The following TXNRD3 variants were observed in gnomAD, a reference collection of about 807,000 sequenced individuals.
The protein encoded by TXNRD3 is TXNRD3 neighbor gene protein.
Under a neutral mutation model 78.2 loss-of-function variants are expected in TXNRD3, and 68 were observed. The observed-to-expected ratio is 0.87, with a 90% confidence interval of 0.72 to 1.06. The LOEUF (loss-of-function observed/expected upper bound fraction) is 1.06, where lower values mean the gene tolerates loss of function less well. Among genes scored for constraint, TXNRD3 ranks in the 50% least tolerant of loss-of-function variants. TXNRD3 has a pLI of 0.00. For missense variants in TXNRD3, 751 were observed against 809.5 expected (o/e 0.93, Z 0.88); for synonymous variants, 296 against 300.1 (o/e 0.99, Z 0.14).
In TXNRD3 at chr3:126,607,287, G is replaced by C. The variant is rs958050102; in HGVS notation, c.*618C>G. On this transcript the variant is annotated 3_prime_UTR_variant, in exon 16 of 16. Coordinates refer to ENST00000524230, the MANE Select transcript of TXNRD3 (RefSeq NM_052883.3). Reference sequence around the variant, plus strand: ...CAAGGTTATCACCACCAAGTAGTGAGTGTGAGGGTGAAGCATGAGTCAGCG... The same window carrying C: ...CAAGGTTATCACCACCAAGTAGTGACTGTGAGGGTGAAGCATGAGTCAGCG... The C allele has an allele frequency of 2.6e-5, 4 of 152,370 alleles. No individual in the cohort carries two copies. Among genetic ancestry groups the C allele is most frequent in the Admixed American group, 2.0e-4 (3 of 15,282 alleles). 9.4% of individuals were successfully genotyped at this position (152,370 alleles called of 1,614,324 possible). A position where few individuals can be genotyped will look rare whatever the true frequency, so the allele number is the denominator to read the frequency against.
rs963474910 is a variant in TXNRD3 at position 126,621,735 on chromosome 3, A to G, written c.1524+7T>C. The G allele has an allele frequency of 6.7e-7, 1 of 1,496,476 alleles. No individual in the cohort carries two copies. Among genetic ancestry groups the G allele is most frequent in the African/African-American group, 1.4e-5 (1 of 70,894 alleles). 92.7% of individuals were successfully genotyped at this position (1,496,476 alleles called of 1,614,324 possible). A position where few individuals can be genotyped will look rare whatever the true frequency, so the allele number is the denominator to read the frequency against. On this transcript the variant is annotated splice_region_variant and intron_variant, in intron 12 of 15. Coordinates refer to ENST00000524230, the MANE Select transcript of TXNRD3 (RefSeq NM_052883.3). ...GGACATTATCTCAAAAACAGTAAGA[A>G]ACTTACCTTTTCTAAAGAGGCCCCA...
chr3:126,607,697 G>A lies in TXNRD3; in HGVS notation c.*208C>T. On this transcript the variant is annotated 3_prime_UTR_variant, in exon 16 of 16. Transcript: ENST00000524230. The stretch of plus-strand genomic sequence containing the variant: ...AAGGCGTCAAGGAAGCAGTCCCACT[G>A]CTTCTCGCTGTCAGCAAGACCACAA... 2 of 366,564 alleles carry A rather than the reference G, an allele frequency of 5.5e-6. No individual in the cohort carries two copies. Among genetic ancestry groups the A allele is most frequent in the African/African-American group, 2.1e-5 (1 of 47,898 alleles). The allele number at this position is 366,564 out of a possible 1,614,324, so 22.7% of individuals were successfully genotyped here.
chr3:126,631,831 C>T lies in TXNRD3; in HGVS notation c.904G>A (p.Val302Ile). ...CGTGGCCTTTCACCCGTTGCTATGACAAACTGTGCAGCAGTATAATAAGTC... is the reference window on the plus strand; with the variant it reads ...CGTGGCCTTTCACCCGTTGCTATGATAAACTGTGCAGCAGTATAATAAGTC... Residue 302 changes from valine (V) to isoleucine (I), a missense_variant, in exon 8 of 16, where the codon GTC (valine) becomes ATC (isoleucine). Coordinates refer to ENST00000524230, the MANE Select transcript of TXNRD3 (RefSeq NM_052883.3). 6.5e-7 allele frequency: 1 copy of T among 1,536,028 alleles called. No homozygotes were observed. Among genetic ancestry groups the T allele is most frequent in the Non-Finnish European group, 8.7e-7 (1 of 1,146,796 alleles).
At chr3:126,610,684 A>G (rs1938180144) in intron 14 of TXNRD3, among the ~76,000 whole-genome samples, 1 of 152,222 alleles carries the variant, frequency 6.6e-6, no homozygotes, top group Non-Finnish European at 1.5e-5. Context: ...CTATCAAGCT[A>G]TCAAGATGGC....
At position 126,636,564 on chromosome 3, in the gene TXNRD3, A is replaced by G. The variant is rs1364655689; in HGVS notation, c.713-2513T>C. On this transcript the variant is annotated intron_variant, in intron 6 of 15. Transcript: ENST00000524230. The stretch of plus-strand genomic sequence containing the variant: ...CCTCAGAGCTGAAATCCTGGCCATC[A>G]TGCTGATTCTGTGCACTCCTGCTGT... Among the ~76,000 whole-genome samples, 3 of 152,158 alleles carry G rather than the reference A, an allele frequency of 2.0e-5. No individual in the cohort carries two copies. The East Asian group carries it at 5.8e-4, about 29-fold the overall frequency.
At chr3:126,653,746 G>C (rs936749208) in intron 1 of TXNRD3, among the ~76,000 whole-genome samples, 1 of 152,190 alleles carries the variant, frequency 6.6e-6, no homozygotes, top group Non-Finnish European at 1.5e-5. Context: ...GGAGTTACGT[G>C]CAAGAATAAA....
Position 126,631,852 on chromosome 3 carries a change from A to T in TXNRD3, c.883T>A (p.Tyr295Asn). ...ATGACAAACTGTGCAGCAGTATAAT[A>T]AGTCTCCTGTCCTTTTTTATTGGTT... Residue 295 changes from tyrosine to asparagine, a missense_variant, in exon 8 of 16, where the codon TAT becomes AAT. Coordinates refer to ENST00000524230, the MANE Select transcript of TXNRD3 (RefSeq NM_052883.3). The T allele has an allele frequency of 6.5e-7, 1 of 1,536,068 alleles. No homozygotes were observed. Among genetic ancestry groups the T allele is most frequent in the Non-Finnish European group, 8.7e-7 (1 of 1,146,796 alleles).
chr3:126,628,628 T>A (rs1938635491), intron 10 of TXNRD3, among the ~76,000 whole-genome samples: 1 of 152,122 alleles, frequency 6.6e-6, no homozygotes. Flanking sequence ...ATTCTTGATC[T>A]CTAAGGAGAA....
chr3:126,646,024 G>T, intron 3 of TXNRD3, 87 bp downstream of exon 3: 2 of 917,916 alleles, frequency 2.2e-6, no homozygotes, highest in East Asian at 2.9e-5. Flanking sequence ...AAGATGAGTG[G>T]ACTCCTAAAA....
At chr3:126,653,630 T>C (rs182437016) in intron 1 of TXNRD3, among the ~76,000 whole-genome samples, 52 of 152,376 alleles carry the variant, frequency 3.4e-4, no homozygotes, top group African/African-American at 1.2e-3. Context: ...ACTTGGAAAC[T>C]CAGTTGGGCA....
intron 6 of TXNRD3, among the ~76,000 whole-genome samples, chr3:126,639,404 T>C (rs940047343): frequency 6.6e-5 from 10 of 152,152 alleles, no homozygotes; most frequent in Admixed American, 2.6e-4. Flanking sequence ...CTGTTTTCTA[T>C]GCTTTTCATT....
intron 9 of TXNRD3, among the ~76,000 whole-genome samples, chr3:126,630,337 T>A (rs1411282766): frequency 6.6e-6 from 1 of 152,222 alleles, no homozygotes; most frequent in Non-Finnish European, 1.5e-5. Context: ...AGTTGTTCTT[T>A]GTTTTTTTGT....
intron 5 of TXNRD3, among the ~76,000 whole-genome samples, chr3:126,643,479 T>C (rs539222806): frequency 8.2e-4 from 125 of 152,278 alleles, no homozygotes; most frequent in African/African-American, 2.9e-3. Flanking sequence ...ATATAGTCAA[T>C]TATGAAACCG....
chr3:126,621,830 A>G lies in TXNRD3; in HGVS notation c.1436T>C (p.Ile479Thr), dbSNP rs1486331286. 3.9e-5 allele frequency: 60 copies of G among 1,535,710 alleles called. No individual in the cohort carries two copies. The highest frequency in any genetic ancestry group is 5.1e-5 in the Non-Finnish European group (58 of 1,146,814). ...AGTGAGCTCTGGCTTATCCTCCAAA[A>G]TATCACCAACAGCATAGACATATGG... The change falls in exon 12 of 16, where the codon ATT becomes ACT. Residue 479 changes from isoleucine (I) to threonine (T), a missense_variant. Transcript: ENST00000524230.
At position 126,614,888 on chromosome 3, in the gene TXNRD3, G is replaced by GT. The variant is rs564105367; in HGVS notation, c.1632+466dup. Reference sequence around the variant, plus strand: ...ATCAAACTTCCCAGCAAGAAATGATGTAAGAAAATATTTTTAAGGTTATAA... The same window carrying GT: ...ATCAAACTTCCCAGCAAGAAATGATGTTAAGAAAATATTTTTAAGGTTATAA... On this transcript the variant is annotated intron_variant, in intron 13 of 15. Transcript: ENST00000524230. 3.5e-4 allele frequency among the ~76,000 whole-genome samples: 54 copies of GT among 152,232 alleles called. 1 individual carries two copies. In the South Asian group the frequency reaches 0.011, roughly 31 times the overall value.
At chr3:126,627,356 A>G (rs1213281685) in intron 10 of TXNRD3, among the ~76,000 whole-genome samples, 3 of 152,196 alleles carry the variant, frequency 2.0e-5, no homozygotes, top group African/African-American at 7.2e-5. Flanking sequence ...ACCAAACAAA[A>G]TAAGTCTGTA....
At chr3:126,609,944 T>G (rs914394983) in intron 14 of TXNRD3, among the ~76,000 whole-genome samples, 1 of 152,140 alleles carries the variant, frequency 6.6e-6, no homozygotes, top group African/African-American at 2.4e-5. Context: ...AAAATTGACC[T>G]CAGATAACTC....
intron 10 of TXNRD3, among the ~76,000 whole-genome samples, chr3:126,628,683 T>C (rs1055175077): frequency 3.9e-5 from 6 of 152,108 alleles, no homozygotes; most frequent in Non-Finnish European, 8.8e-5. Flanking sequence ...TCTAAATTAA[T>C]GGATAGATAT....
chr3:126,643,924 A>C, intron 5 of TXNRD3, 57 bp downstream of exon 5: 1 of 1,452,572 alleles, frequency 6.9e-7, no homozygotes, highest in Non-Finnish European at 9.2e-7. Context: ...ATGAGATTAC[A>C]TAAAGCAAAC....
Sources: gnomAD v4.1 joint callset for allele counts (sites outside exome capture counted in the v4.1 genomes callset) on GRCh38, gnomAD v4.1.1 for gene constraint, MANE v1.5 for transcripts, NCBI Gene and HGNC (gene_info 2026-07-23, HGNC 2026-07-21) for gene names.